CYP3A43: variants seen among roughly 807,000 people sequenced by gnomAD.
CYP3A43 encodes cytochrome P450 3A43.
A neutral mutation model predicts 58.0 loss-of-function variants in CYP3A43; 45 were observed. That is an observed-to-expected ratio of 0.78 (90% CI 0.61 to 0.99). The LOEUF is 0.99. Among genes scored for constraint, CYP3A43 ranks in the 50% least tolerant of loss-of-function variants. The pLI is 0.00. For synonymous variants in CYP3A43, 191 were observed against 201.4 expected, an observed-to-expected ratio of 0.95 and a Z score of 0.44; for missense variants, 593 against 591.9, an observed-to-expected ratio of 1.00 and a Z score of -0.02.
At chr7:99,835,503 G>C (rs1817033549) in intron 1 of CYP3A43, among the ~76,000 whole-genome samples, 1 of 152,220 alleles carries the variant, frequency 6.6e-6, no homozygotes. Flanking sequence ...TCTTTGGTTT[G>C]AGCTATAAGC....
intron 7 of CYP3A43, chr7:99,850,083 A>G (rs1158243243): frequency 2.4e-6 from 1 of 420,892 alleles, no homozygotes; most frequent in Non-Finnish European, 4.6e-6. Context: ...CAGCCTCCTG[A>G]GGAGCTGGGA....
intron 4 of CYP3A43, 29 bp downstream of exon 4, chr7:99,844,271 C>T: frequency 6.3e-7 from 1 of 1,594,284 alleles, no homozygotes; most frequent in Non-Finnish European, 8.6e-7. Context: ...ATGTATTAAT[C>T]AAATTTTTAT....
chr7:99,855,424 G>C, intron 7 of CYP3A43, 167 bp from the exon 8 acceptor site: 1 of 836,460 alleles, frequency 1.2e-6, no homozygotes, highest in Non-Finnish European at 1.7e-6. Flanking sequence ...CATTGGCATG[G>C]AAGAGGGGCA....
intron 1 of CYP3A43, among the ~76,000 whole-genome samples, chr7:99,835,855 T>G (rs539591277): frequency 1.1e-3 from 168 of 152,338 alleles, no homozygotes; most frequent in African/African-American, 3.5e-3. Flanking sequence ...CAAACCTTCC[T>G]CTGGGCATAG....
At chr7:99,853,435 A>G (rs565375876) in intron 7 of CYP3A43, among the ~76,000 whole-genome samples, 2 of 149,264 alleles carry the variant, frequency 1.3e-5, no homozygotes, top group Non-Finnish European at 2.9e-5. Flanking sequence ...TTTTTCTTAA[A>G]TGTCAATAGT....
chr7:99,843,397 G>T (rs557038585), intron 3 of CYP3A43, among the ~76,000 whole-genome samples: 4 of 152,120 alleles, frequency 2.6e-5, no homozygotes, highest in Admixed American at 2.6e-4. Flanking sequence ...TCACTTTTTG[G>T]TTAACAAGAA....
At chr7:99,864,653 T>G (rs1563074636) in intron 12 of CYP3A43, among the ~76,000 whole-genome samples, 1 of 148,912 alleles carries the variant, frequency 6.7e-6, no homozygotes, top group South Asian at 2.1e-4. Context: ...TTGTTTTAAT[T>G]CTTTCATAAA....
chr7:99,830,657 A>C (rs1816807223), intron 1 of CYP3A43, among the ~76,000 whole-genome samples: 1 of 151,946 alleles, frequency 6.6e-6, no homozygotes, highest in South Asian at 2.1e-4. Context: ...TTCTTCCCTC[A>C]CTCTCTCATG....
At chr7:99,859,744 G>A (rs755336232) in intron 9 of CYP3A43, 86 bp from the exon 10 acceptor site, 7 of 1,550,424 alleles carry the variant, frequency 4.5e-6, no homozygotes, top group Non-Finnish European at 6.2e-6. Context: ...TTAGGGATTT[G>A]GGAGCTTCAC....
chr7:99,850,131 A>C, intron 7 of CYP3A43: 1 of 359,756 alleles, frequency 2.8e-6, no homozygotes, highest in Non-Finnish European at 5.4e-6. Context: ...TAATTTTTGT[A>C]TTTTTAGTAG....
chr7:99,840,839 T>C (rs1286832658), intron 3 of CYP3A43, among the ~76,000 whole-genome samples: 1 of 152,182 alleles, frequency 6.6e-6, no homozygotes, highest in Non-Finnish European at 1.5e-5. Flanking sequence ...TGGGATTCAC[T>C]GAGGGCAGTT....
At chr7:99,860,703 C>T (rs982713892) in intron 10 of CYP3A43, among the ~76,000 whole-genome samples, 9 of 152,050 alleles carry the variant, frequency 5.9e-5, no homozygotes, top group African/African-American at 1.7e-4. Flanking sequence ...GGAAATTGTT[C>T]GAGAAAGACA....
intron 7 of CYP3A43, among the ~76,000 whole-genome samples, chr7:99,852,318 T>G (rs1008173059): frequency 1.3e-5 from 2 of 152,218 alleles, no homozygotes; most frequent in African/African-American, 4.8e-5. Context: ...AAAATCAACT[T>G]GTCAATTTCT....
chr7:99,846,939 A>G (rs571990174), intron 4 of CYP3A43, among the ~76,000 whole-genome samples: 1 of 152,328 alleles, frequency 6.6e-6, no homozygotes, highest in South Asian at 2.1e-4. Flanking sequence ...GGGAAAATAA[A>G]AGAAAGGGGC....
At chr7:99,850,512 A>T (rs1328357850) in intron 7 of CYP3A43, among the ~76,000 whole-genome samples, 1 of 151,980 alleles carries the variant, frequency 6.6e-6, no homozygotes, top group Non-Finnish European at 1.5e-5. Context: ...TGCCTGCCTC[A>T]GCCTCCCAAA....
Position 99,848,216 on chromosome 7 carries a change from G to A in CYP3A43, c.483G>A (p.Arg161=). The change falls in exon 6 of 13, where the codon AGG becomes AGA. Residue 161 remains arginine, a synonymous_variant. Transcript: ENST00000354829. ...GAGATATGTTGGTGAGAAGCCTGAG[G>A]CAGGAAGCAGAGAACAGCAAGTCCA... ...QCGDMLVRSL[R]QEAENSKSIN... is the part of the protein sequence containing the mutation. 5.0e-6 allele frequency: 8 copies of A among 1,614,152 alleles called. No homozygotes were observed. The highest frequency in any genetic ancestry group is 6.8e-6 in the Non-Finnish European group (8 of 1,180,020).
intron 1 of CYP3A43, among the ~76,000 whole-genome samples, chr7:99,835,285 T>C (rs1003086652): frequency 9.2e-5 from 14 of 152,128 alleles, no homozygotes; most frequent in Non-Finnish European, 2.1e-4. Context: ...TGAATATAGG[T>C]GTTGGTGTTG....
At chr7:99,861,443 C>T (rs12534307) in intron 10 of CYP3A43, among the ~76,000 whole-genome samples, 170 bp from the exon 11 acceptor site, 9,041 of 152,190 alleles carry the variant, frequency 0.059, 852 homozygotes, top group African/African-American at 0.2. Context: ...AATGGGCCAT[C>T]GAGCACATCA....
intron 1 of CYP3A43, among the ~76,000 whole-genome samples, 192 bp from the exon 2 acceptor site, chr7:99,836,261 C>T (rs1817072052): frequency 6.6e-6 from 1 of 152,124 alleles, no homozygotes; most frequent in Non-Finnish European, 1.5e-5. Flanking sequence ...CCTCCTGAAC[C>T]CCATTGGTCT....
Sources: allele counts gnomAD v4.1 joint callset (sites outside exome capture counted in the v4.1 genomes callset), GRCh38; gene constraint gnomAD v4.1.1; transcripts MANE v1.5; gene names NCBI Gene and HGNC (gene_info 2026-07-23, HGNC 2026-07-21).